Variants in KCTD8 observed in about 807,000 individuals in gnomAD.
KCTD8 encodes the protein potassium channel tetramerization domain containing 8.
A neutral mutation model predicts 31.5 loss-of-function variants in KCTD8; 27 were observed. That is an observed-to-expected ratio of 0.86 (90% confidence interval 0.63 to 1.18). The LOEUF is 1.18. Ranked by LOEUF, KCTD8 falls within the 50% of genes most tolerant of loss-of-function variation. KCTD8 has a pLI of 0.00. For missense variants in KCTD8, 658 were observed against 647.7 expected, an observed-to-expected ratio of 1.02 and a Z score of -0.17; for synonymous variants, 290 against 280.0, an observed-to-expected ratio of 1.04 and a Z score of -0.36.
At chr4:44,251,390 G>C (rs2109361505) in intron 1 of KCTD8, among the ~76,000 whole-genome samples, 1 of 151,670 alleles carries the variant, frequency 6.6e-6, no homozygotes, top group South Asian at 2.1e-4. Flanking sequence ...GAAATAATTT[G>C]AATATATAAA....
rs1357253592 is a variant in KCTD8 at position 44,432,640 on chromosome 4, C to G, written c.961+14923G>C. ...TTAACTACGCTTTTATCAGCATTAACTAGCTCTGATCTGTTCTTCATAACA... is the reference window on the plus strand; with the variant it reads ...TTAACTACGCTTTTATCAGCATTAAGTAGCTCTGATCTGTTCTTCATAACA... On this transcript the variant is annotated intron_variant, in intron 1 of 1. Coordinates refer to ENST00000360029, the MANE Select transcript of KCTD8 (RefSeq NM_198353.3). 4.0e-5 allele frequency among the ~76,000 whole-genome samples: 6 copies of G among 151,768 alleles called. No homozygotes were observed. The South Asian group carries it at 1.0e-3, about 26-fold the overall frequency.
intron 1 of KCTD8, among the ~76,000 whole-genome samples, chr4:44,280,439 T>C (rs2109378320): frequency 6.6e-6 from 1 of 152,176 alleles, no homozygotes; most frequent in Non-Finnish European, 1.5e-5. Context: ...GCTGCATCCT[T>C]TTCTCAAATT....
intron 1 of KCTD8, among the ~76,000 whole-genome samples, chr4:44,421,209 T>C (rs1272790948): frequency 6.6e-6 from 1 of 152,108 alleles, no homozygotes; most frequent in Non-Finnish European, 1.5e-5. Context: ...TACTCTGTAC[T>C]ATAAAACATA....
intron 1 of KCTD8, among the ~76,000 whole-genome samples, chr4:44,433,404 C>T (rs1193961257): frequency 6.6e-6 from 1 of 151,774 alleles, no homozygotes. Flanking sequence ...AGGTCTGGGA[C>T]ATCCCACTTG....
At chr4:44,219,493 C>T (rs534828817) in intron 1 of KCTD8, among the ~76,000 whole-genome samples, 78 of 152,224 alleles carry the variant, frequency 5.1e-4, no homozygotes, top group African/African-American at 1.8e-3. Flanking sequence ...CAAACATAGA[C>T]ACAGAGGGAA....
chr4:44,242,488 G>A (rs1485291485), intron 1 of KCTD8, among the ~76,000 whole-genome samples: 3 of 152,118 alleles, frequency 2.0e-5, no homozygotes, highest in Non-Finnish European at 4.4e-5. Context: ...TGAGGCAGGA[G>A]AATGGCGTGA....
intron 1 of KCTD8, among the ~76,000 whole-genome samples, chr4:44,200,485 A>G (rs1050304900): frequency 6.6e-6 from 1 of 152,154 alleles, no homozygotes; most frequent in Non-Finnish European, 1.5e-5. Context: ...TATCTCCGGG[A>G]TGCAAGAGTG....
chr4:44,372,289 A>G (rs1426595525), intron 1 of KCTD8, among the ~76,000 whole-genome samples: 1 of 152,182 alleles, frequency 6.6e-6, no homozygotes, highest in Admixed American at 6.5e-5. Context: ...CTATCAGACT[A>G]ATGTAATACA....
At chr4:44,348,602 A>AAAT (rs1476427428) in intron 1 of KCTD8, among the ~76,000 whole-genome samples, 2 of 152,154 alleles carry the variant, frequency 1.3e-5, no homozygotes, top group Non-Finnish European at 2.9e-5. Context: ...CCTTACCAAA[A>AAAT]AATACTTATT....
In KCTD8 at chr4:44,188,131, A is replaced by G. The variant is rs576685916; in HGVS notation, c.962-12881T>C. Among the ~76,000 whole-genome samples the G allele has an allele frequency of 2.0e-5, 3 of 152,308 alleles. No individual in the cohort carries two copies. The East Asian group carries it at 5.8e-4, about 29-fold the overall frequency. On this transcript the variant is annotated intron_variant, in intron 1 of 1. Transcript: ENST00000360029. ...TTCAGATCTTAAGTGCCTGCCTGCCAATAAATGTTTTCAAGTATTTCCAAC... is the reference window on the plus strand; with the variant it reads ...TTCAGATCTTAAGTGCCTGCCTGCCGATAAATGTTTTCAAGTATTTCCAAC...
At chr4:44,272,893 G>A (rs868398782) in intron 1 of KCTD8, among the ~76,000 whole-genome samples, 3 of 151,938 alleles carry the variant, frequency 2.0e-5, no homozygotes, top group East Asian at 1.9e-4. Context: ...TTTCTCAATC[G>A]AATGAGCATT....
intron 1 of KCTD8, among the ~76,000 whole-genome samples, chr4:44,352,649 A>C (rs1394181908): frequency 1.3e-5 from 2 of 151,252 alleles, no homozygotes; most frequent in Admixed American, 1.3e-4. Flanking sequence ...AACACATTGA[A>C]ATATGAGAAA....
chr4:44,357,002 G>A (rs1231329738), intron 1 of KCTD8, among the ~76,000 whole-genome samples: 1 of 151,342 alleles, frequency 6.6e-6, no homozygotes, highest in African/African-American at 2.4e-5. Context: ...TATAACTTTT[G>A]TAGACTATCC....
intron 1 of KCTD8, among the ~76,000 whole-genome samples, chr4:44,400,605 T>A (rs1720623693): frequency 6.6e-6 from 1 of 151,622 alleles, no homozygotes; most frequent in Non-Finnish European, 1.5e-5. Context: ...GGTGCACACC[T>A]GTAGTCCCAG....
chr4:44,348,703 C>A (rs1335447834), intron 1 of KCTD8, among the ~76,000 whole-genome samples: 2 of 152,054 alleles, frequency 1.3e-5, no homozygotes, highest in African/African-American at 4.8e-5. Context: ...GATTAGTGAC[C>A]CTTTTCAGTC....
chr4:44,185,387 T>C (rs61127202), intron 1 of KCTD8, among the ~76,000 whole-genome samples: 42,123 of 152,162 alleles, frequency 0.28, 6,255 homozygotes, highest in East Asian at 0.49. Flanking sequence ...CTATTCTCAA[T>C]GCCATTGCTA....
chr4:44,297,468 A>G (rs1324469216), intron 1 of KCTD8, among the ~76,000 whole-genome samples: 2 of 152,096 alleles, frequency 1.3e-5, no homozygotes, highest in African/African-American at 4.8e-5. Flanking sequence ...GTAACCTATT[A>G]ATAAAATAGC....
At chr4:44,422,503 A>G (rs1721239628) in intron 1 of KCTD8, among the ~76,000 whole-genome samples, 1 of 152,148 alleles carries the variant, frequency 6.6e-6, no homozygotes, top group Non-Finnish European at 1.5e-5. Context: ...GGGAAAATGT[A>G]TTACATCTGG....
chr4:44,383,174 C>G (rs1025397224), intron 1 of KCTD8, among the ~76,000 whole-genome samples: 1 of 151,722 alleles, frequency 6.6e-6, no homozygotes, highest in Admixed American at 6.6e-5. Context: ...TTGAAAAAGA[C>G]ACCAAAAATG....
Sources: gnomAD v4.1 joint callset for allele counts (sites outside exome capture counted in the v4.1 genomes callset) on GRCh38, gnomAD v4.1.1 for gene constraint, MANE v1.5 for transcripts, NCBI Gene and HGNC (gene_info 2026-07-23, HGNC 2026-07-21) for gene names.